The following ARHGAP44 variants were observed in gnomAD, a reference collection of about 807,000 sequenced individuals.
ARHGAP44 encodes rho GTPase-activating protein 44.
In ARHGAP44, 43 loss-of-function variants were observed where a neutral mutation model predicts 106.8. The observed-to-expected ratio is 0.40, with a 90% CI of 0.32 to 0.52. The LOEUF is 0.52. Among genes scored for constraint, ARHGAP44 ranks in the 20% least tolerant of loss-of-function variants. The pLI is 0.48. For synonymous variants in ARHGAP44, 439 were observed against 410.3 expected, an observed-to-expected ratio of 1.07 and a Z score of -0.85; for missense variants, 866 against 1,050.5, an observed-to-expected ratio of 0.82 and a Z score of 2.43.
At chr17:12,810,000 AATC>A (rs2034390361) in intron 1 of ARHGAP44, among the ~76,000 whole-genome samples, 2 of 152,212 alleles carry the variant, frequency 1.3e-5, no homozygotes, top group African/African-American at 4.8e-5. Flanking sequence ...GGTGGTGAGG[AATC>A]ATCAGCAGGG....
intron 1 of ARHGAP44, among the ~76,000 whole-genome samples, chr17:12,890,497 A>G (rs1214652313): frequency 6.6e-6 from 1 of 152,176 alleles, no homozygotes; most frequent in Non-Finnish European, 1.5e-5. Flanking sequence ...TGCAGGGAAC[A>G]GAGTCCTTGG....
chr17:12,896,358 C>G lies in ARHGAP44; in HGVS notation c.94-49C>G. 2.7e-6 allele frequency: 4 copies of G among 1,503,112 alleles called. No individual in the cohort carries two copies. In the South Asian group the frequency reaches 4.8e-5, roughly 18 times the overall value. The allele number at this position is 1,503,112 out of a possible 1,614,324, so 93.1% of individuals were successfully genotyped here. A position where few individuals can be genotyped will look rare whatever the true frequency, so the allele number is the denominator to read the frequency against. Reference sequence around the variant, plus strand: ...TTGTCCACACCCACAATCCCTCCTCCCCTGACCTTGCCCTCTCTCAGTGGC... The same window carrying G: ...TTGTCCACACCCACAATCCCTCCTCGCCTGACCTTGCCCTCTCTCAGTGGC... On this transcript the variant is annotated intron_variant, in intron 2 of 20. Coordinates refer to ENST00000379672, the MANE Select transcript of ARHGAP44 (RefSeq NM_014859.6).
At chr17:12,827,376 A>T (rs2034951217) in intron 1 of ARHGAP44, among the ~76,000 whole-genome samples, 1 of 152,160 alleles carries the variant, frequency 6.6e-6, no homozygotes, top group Non-Finnish European at 1.5e-5. Flanking sequence ...ACATCATTAT[A>T]AGGATGATAA....
intron 19 of ARHGAP44, 151 bp from the exon 20 acceptor site, chr17:12,984,380 G>A (rs1404309372): frequency 2.8e-6 from 2 of 716,864 alleles, no homozygotes; most frequent in East Asian, 3.3e-5. Flanking sequence ...TGTGGCAAGA[G>A]GCCGGGGGGC....
chr17:12,846,096 A>G (rs2035561554), intron 1 of ARHGAP44, among the ~76,000 whole-genome samples: 1 of 131,564 alleles, frequency 7.6e-6, no homozygotes, highest in African/African-American at 4.0e-5. Flanking sequence ...GGTGGTTTCC[A>G]GGAAAAAAAA....
chr17:12,926,928 A>G (rs2038264798), intron 6 of ARHGAP44, among the ~76,000 whole-genome samples: 1 of 152,164 alleles, frequency 6.6e-6, no homozygotes, highest in African/African-American at 2.4e-5. Context: ...AATTACAGCC[A>G]TGGCATCTCG....
In ARHGAP44 at chr17:12,928,513, C is replaced by CTGTG. The variant is rs376167712; in HGVS notation, c.465-406_465-403dup. Among the ~76,000 whole-genome samples the CTGTG allele has an allele frequency of 1.1e-4, 17 of 151,990 alleles. No individual in the cohort carries two copies. The South Asian group carries it at 3.5e-3, about 32-fold the overall frequency. On this transcript the variant is annotated intron_variant, in intron 6 of 20. Transcript: ENST00000379672. ...ACTAGCTTGATTTAATCATTCCATACTGTGTGTGTGTGTACATGTGTACAT... is the reference window on the plus strand; with the variant it reads ...ACTAGCTTGATTTAATCATTCCATACTGTGTGTGTGTGTGTGTACATGTGTACAT...
chr17:12,840,445 C>T (rs2035357673), intron 1 of ARHGAP44, among the ~76,000 whole-genome samples: 1 of 152,186 alleles, frequency 6.6e-6, no homozygotes. Context: ...TCTTGTTTGC[C>T]ACTAGTTGGC....
At chr17:12,841,639 C>CACACAA (rs1555546108) in intron 1 of ARHGAP44, among the ~76,000 whole-genome samples, 196 of 137,452 alleles carry the variant, frequency 1.4e-3, no homozygotes, top group Middle Eastern at 7.1e-3. Flanking sequence ...CACACACACA[C>CACACAA]AAACAAACAA....
intron 1 of ARHGAP44, among the ~76,000 whole-genome samples, chr17:12,856,155 C>T (rs531244833): frequency 1.2e-4 from 19 of 152,278 alleles, no homozygotes; most frequent in African/African-American, 4.6e-4. Context: ...CTGTCCTCAC[C>T]ACCTGTATTC....
At chr17:12,913,127 G>A (rs2037790028) in intron 4 of ARHGAP44, among the ~76,000 whole-genome samples, 1 of 152,160 alleles carries the variant, frequency 6.6e-6, no homozygotes. Context: ...TTTACATGAT[G>A]TGTGGTTCAA....
intron 10 of ARHGAP44, among the ~76,000 whole-genome samples, chr17:12,948,118 G>A (rs7225631): frequency 0.26 from 38,979 of 152,106 alleles, 5,320 homozygotes; most frequent in South Asian, 0.4. Context: ...TCTTTAACCC[G>A]TGTGTCACTT....
intron 4 of ARHGAP44, among the ~76,000 whole-genome samples, chr17:12,909,249 T>C (rs941684270): frequency 1.3e-5 from 2 of 152,064 alleles, no homozygotes; most frequent in African/African-American, 4.8e-5. Context: ...AACCTGTCAA[T>C]TCAAATGTCA....
chr17:12,918,356 A>T (rs529481643), intron 5 of ARHGAP44, among the ~76,000 whole-genome samples: 1 of 152,274 alleles, frequency 6.6e-6, no homozygotes, highest in South Asian at 2.1e-4. Context: ...ATTCTCCTCG[A>T]ATTTTTTCCT....
intron 1 of ARHGAP44, among the ~76,000 whole-genome samples, chr17:12,808,327 G>C (rs115969522): frequency 0.019 from 2,843 of 152,374 alleles, 103 homozygotes; most frequent in African/African-American, 0.063. Flanking sequence ...GGCACTCTGT[G>C]TGGGGCTCGA....
At chr17:12,803,700 T>G (rs1348899558) in intron 1 of ARHGAP44, among the ~76,000 whole-genome samples, 1 of 152,164 alleles carries the variant, frequency 6.6e-6, no homozygotes, top group Non-Finnish European at 1.5e-5. Flanking sequence ...TTCTTTGTAT[T>G]CTTGCCCTTA....
chr17:12,857,334 G>A (rs2150859666), intron 1 of ARHGAP44, among the ~76,000 whole-genome samples: 1 of 152,314 alleles, frequency 6.6e-6, no homozygotes, highest in Middle Eastern at 3.4e-3. Flanking sequence ...TTAGCTCATG[G>A]TTCTGGAGGC....
chr17:12,919,796 C>T lies in ARHGAP44; in HGVS notation c.429C>T (p.Ala143=). 2 of 1,613,360 alleles carry T rather than the reference C, an allele frequency of 1.2e-6. No individual in the cohort carries two copies. The highest frequency in any genetic ancestry group is 1.7e-6 in the Non-Finnish European group (2 of 1,179,678). ...TTCAAAAGCAGAGGAAACACTTAGCCAAGTTGGTGCTGGACATGGATTCCT... is the reference window on the plus strand; with the variant it reads ...TTCAAAAGCAGAGGAAACACTTAGCTAAGTTGGTGCTGGACATGGATTCCT... The part of the protein sequence containing the change: ...PNIQKQRKHL[A]KLVLDMDSSR... Residue 143 remains alanine, a synonymous_variant, in exon 6 of 21, where the codon GCC becomes GCT. Coordinates refer to ENST00000379672, the MANE Select transcript of ARHGAP44 (RefSeq NM_014859.6).
At position 12,790,315 on chromosome 17, in the gene ARHGAP44, C is replaced by T. The variant is rs556177740; in HGVS notation, c.53+424C>T. On this transcript the variant is annotated intron_variant, in intron 1 of 20. Transcript: ENST00000379672. ...TCCCTCCCCTCCCCTGCGCCGAGTT[C>T]AGGGCTGCTCCCGGGTCCAGGGAAA... 200 of 173,018 alleles carry T rather than the reference C, an allele frequency of 1.2e-3. 1 individual carries two copies. The highest frequency in any genetic ancestry group is 4.2e-3 in the African/African-American group (177 of 41,974). 10.7% of individuals were successfully genotyped at this position (173,018 alleles called of 1,614,324 possible).
Sources: gnomAD v4.1 joint callset for allele counts (sites outside exome capture counted in the v4.1 genomes callset) on GRCh38, gnomAD v4.1.1 for gene constraint, MANE v1.5 for transcripts, NCBI Gene and HGNC (gene_info 2026-07-23, HGNC 2026-07-21) for gene names.